The following CATSPERE variants were observed in gnomAD, a reference collection of about 807,000 sequenced individuals.
The protein encoded by CATSPERE is cation channel sperm-associated auxiliary subunit epsilon.
In CATSPERE, 93 loss-of-function variants were observed where a neutral mutation model predicts 114.1. That is an observed-to-expected ratio of 0.81 (90% CI 0.69 to 0.97). The LOEUF is 0.97. Ranked by LOEUF, CATSPERE falls within the 50% of genes least tolerant of loss-of-function variation. The pLI is 0.00. For synonymous variants in CATSPERE, 341 were observed against 384.1 expected (o/e 0.89, Z 1.31); for missense variants, 1,058 against 1,131.6 (o/e 0.93, Z 0.93).
At chr1:244,475,625 C>T (rs1669207513) in intron 2 of CATSPERE, among the ~76,000 whole-genome samples, 1 of 150,322 alleles carries the variant, frequency 6.7e-6, no homozygotes, top group Non-Finnish European at 1.5e-5. Context: ...CAATCTCTGA[C>T]TCCCTGGCTG....
intron 12 of CATSPERE, 122 bp from the exon 13 acceptor site, chr1:244,583,742 A>G (rs1666593400): frequency 2.6e-6 from 2 of 757,448 alleles, no homozygotes; most frequent in Non-Finnish European, 4.4e-6. Flanking sequence ...CCAGGCCTCT[A>G]GAAATTGGCG....
chr1:244,505,770 G>A (rs576825082), intron 7 of CATSPERE, among the ~76,000 whole-genome samples: 80 of 152,296 alleles, frequency 5.3e-4, no homozygotes, highest in Admixed American at 8.5e-4. Flanking sequence ...ACTTTGGGAG[G>A]CCGAGGTGGG....
intron 5 of CATSPERE, among the ~76,000 whole-genome samples, chr1:244,489,123 CT>C (rs1209469937): frequency 6.6e-6 from 1 of 152,056 alleles, no homozygotes; most frequent in Non-Finnish European, 1.5e-5. Flanking sequence ...AATATTAGTC[CT>C]TTTTTATTTT....
At chr1:244,463,984 A>T (rs754292629) in intron 2 of CATSPERE, 28 bp downstream of exon 2, 1 of 1,507,054 alleles carries the variant, frequency 6.6e-7, no homozygotes, top group Non-Finnish European at 9.2e-7. Flanking sequence ...AATAAACTAT[A>T]GTTAAATATT....
At chr1:244,486,564 G>T (rs1572339621) in intron 5 of CATSPERE, among the ~76,000 whole-genome samples, 1 of 124,894 alleles carries the variant, frequency 8.0e-6, no homozygotes, top group Non-Finnish European at 1.7e-5. Context: ...TCGTGGGCCA[G>T]GTGTAGACCC....
At chr1:244,581,578 T>C (rs1251923584) in intron 11 of CATSPERE, among the ~76,000 whole-genome samples, 2 of 152,208 alleles carry the variant, frequency 1.3e-5, no homozygotes, top group African/African-American at 4.8e-5. Flanking sequence ...CTATGTACAT[T>C]AATATTTTAT....
intron 20 of CATSPERE, among the ~76,000 whole-genome samples, chr1:244,624,626 C>T (rs1316981306): frequency 6.6e-6 from 1 of 151,726 alleles, no homozygotes; most frequent in Non-Finnish European, 1.5e-5. Context: ...CATGGAGAAA[C>T]CCCTTCTCTG....
At chr1:244,565,111 G>A (rs1663230396) in intron 10 of CATSPERE, among the ~76,000 whole-genome samples, 2 of 152,330 alleles carry the variant, frequency 1.3e-5, no homozygotes, top group South Asian at 4.1e-4. Context: ...CTTGATCGTA[G>A]TGGATAAGTT....
intron 19 of CATSPERE, among the ~76,000 whole-genome samples, chr1:244,614,468 G>A (rs1170839069): frequency 6.6e-6 from 1 of 152,158 alleles, no homozygotes; most frequent in South Asian, 2.1e-4. Flanking sequence ...ACAACTCTAC[G>A]CACAACAAAA....
upstream of CATSPERE, among the ~76,000 whole-genome samples, chr1:244,459,768 T>C (rs1666494487): frequency 6.6e-6 from 1 of 152,234 alleles, no homozygotes; most frequent in South Asian, 2.1e-4. Flanking sequence ...TTATTTACCT[T>C]ATAGCAGGCT....
chr1:244,533,131 G>T (rs924942900), intron 8 of CATSPERE, among the ~76,000 whole-genome samples: 2 of 150,232 alleles, frequency 1.3e-5, no homozygotes, highest in Non-Finnish European at 2.9e-5. Context: ...TCTTTTTGTG[G>T]TTTTTGTCTT....
intron 1 of CATSPERE, chr1:244,454,635 G>T (rs1231792466): frequency 6.6e-6 from 1 of 151,360 alleles, no homozygotes; most frequent in South Asian, 2.1e-4. Flanking sequence ...TTACCGGACC[G>T]GTTTGTGGTC....
intron 17 of CATSPERE, among the ~76,000 whole-genome samples, chr1:244,602,411 AG>A (rs1180445237): frequency 6.6e-6 from 1 of 152,196 alleles, no homozygotes; most frequent in Non-Finnish European, 1.5e-5. Context: ...AATCAGCGGC[AG>A]GGGTGGCCAC....
Position 244,477,584 on chromosome 1 carries a change from T to G in CATSPERE, c.158T>G (p.Val53Gly). 6.2e-7 allele frequency: 1 copy of G among 1,601,790 alleles called. No homozygotes were observed. The highest frequency in any genetic ancestry group is 2.2e-5 in the East Asian group (1 of 44,708). Reference sequence around the variant, plus strand: ...GGAACATTATTTACTGAGTGGAGTGTGCCAGAAACTTGTTTTGTGCTAAAT... The same window carrying G: ...GGAACATTATTTACTGAGTGGAGTGGGCCAGAAACTTGTTTTGTGCTAAAT... ...YEGTLFTEWS[V>G]PETCFVLNKS... Residue 53 changes from valine to glycine, a missense_variant, in exon 3 of 22, where the codon GTG becomes GGG. Around this residue, in one of 2 missense-constraint regions of CATSPERE, gnomAD observed 271 missense variants for 225.9 expected, o/e 1.20. Coordinates refer to ENST00000366534, the MANE Select transcript of CATSPERE (RefSeq NM_001130957.2).
intron 20 of CATSPERE, among the ~76,000 whole-genome samples, chr1:244,622,163 C>T (rs985958742): frequency 6.6e-6 from 1 of 152,050 alleles, no homozygotes; most frequent in Non-Finnish European, 1.5e-5. Flanking sequence ...TACCAACACA[C>T]CGTAAGGTTT....
At chr1:244,560,518 C>T in intron 9 of CATSPERE, 150 bp from the exon 10 acceptor site, 1 of 424,464 alleles carries the variant, frequency 2.4e-6, no homozygotes, top group Non-Finnish European at 4.0e-6. Context: ...CACTGAAGAA[C>T]TTATTCATAT....
intron 8 of CATSPERE, among the ~76,000 whole-genome samples, chr1:244,525,614 A>T (rs1309796262): frequency 6.6e-6 from 1 of 152,168 alleles, no homozygotes; most frequent in African/African-American, 2.4e-5. Context: ...AGAATTTTAC[A>T]TTATCAGGCA....
chr1:244,606,756 T>TA (rs965586575), intron 18 of CATSPERE, among the ~76,000 whole-genome samples: 12 of 151,936 alleles, frequency 7.9e-5, no homozygotes, highest in African/African-American at 2.9e-4. Context: ...CACATGCCAC[T>TA]ACACCTGGCT....
At chr1:244,597,044 G>A (rs754395679) in intron 17 of CATSPERE, among the ~76,000 whole-genome samples, 11 of 152,004 alleles carry the variant, frequency 7.2e-5, no homozygotes, top group Non-Finnish European at 1.0e-4. Context: ...GATCCCCACC[G>A]GTTTTCCTAA....
Sources: allele counts gnomAD v4.1 joint callset (sites outside exome capture counted in the v4.1 genomes callset), GRCh38; gene constraint gnomAD v4.1.1; regional missense constraint gnomAD v4.1.1; transcripts MANE v1.5; gene names NCBI Gene and HGNC (gene_info 2026-07-23, HGNC 2026-07-21).